Variants in SLC38A7 observed in about 807,000 individuals in gnomAD.
SLC38A7 encodes sodium-coupled neutral amino acid transporter 7.
In SLC38A7, 29 loss-of-function variants were observed where a neutral mutation model predicts 50.1. That is an observed-to-expected ratio of 0.58 (90% confidence interval 0.43 to 0.79). The LOEUF is 0.79. Ranked by LOEUF, SLC38A7 falls within the 30% of genes least tolerant of loss-of-function variation. The pLI, the probability that SLC38A7 is intolerant of heterozygous loss-of-function variation, is 0.00. For synonymous variants in SLC38A7, 244 were observed against 245.9 expected, an observed-to-expected ratio of 0.99 and a Z score of 0.07; for missense variants, 483 against 610.6, an observed-to-expected ratio of 0.79 and a Z score of 2.20.
intron 2 of SLC38A7, 25 bp from the exon 3 acceptor site, chr16:58,680,266 A>G: frequency 1.1e-6 from 1 of 938,594 alleles, no homozygotes; most frequent in Non-Finnish European, 1.4e-6. Flanking sequence ...GGCAGGCACT[A>G]CTGTTATCCT....
intron 8 of SLC38A7, among the ~76,000 whole-genome samples, chr16:58,674,920 C>G (rs34382240): frequency 0.03 from 4,539 of 152,244 alleles, 103 homozygotes; most frequent in Non-Finnish European, 0.043. Context: ...GAACCACCCC[C>G]CTGCTTAAAA....
chr16:58,669,916 A>G (rs1344538360), intron 11 of SLC38A7, among the ~76,000 whole-genome samples, 197 bp downstream of exon 11: 1 of 151,692 alleles, frequency 6.6e-6, no homozygotes, highest in Non-Finnish European at 1.5e-5. Context: ...CGGAGCTTGC[A>G]GTGAGCTGAG....
Position 58,666,059 on chromosome 16 carries a change from CTTTT to C in SLC38A7, c.*1322_*1325del, listed in dbSNP as rs1490103112. 6.6e-6 allele frequency: 1 copy of C among 152,628 alleles called. No individual in the cohort carries two copies. Among genetic ancestry groups the C allele is most frequent in the African/African-American group, 2.4e-5 (1 of 41,424 alleles). The allele number at this position is 152,628 out of a possible 1,614,324, so 9.5% of individuals were successfully genotyped here. A position where few individuals can be genotyped will look rare whatever the true frequency, so the allele number is the denominator to read the frequency against. On this transcript the variant is annotated 3_prime_UTR_variant, in exon 12 of 12. Coordinates refer to ENST00000219320, the MANE Select transcript of SLC38A7 (RefSeq NM_018231.3). ...TGCCCATCAGTGACAACCCAGCTGC[CTTTT>C]TGTTTGTTTCTGTTTTTTTGAGATG...
In SLC38A7 at chr16:58,679,886, C is replaced by T; in HGVS notation, c.241G>A (p.Gly81Ser). 6.2e-7 allele frequency: 1 copy of T among 1,613,896 alleles called. No individual in the cohort carries two copies. Among genetic ancestry groups the T allele is most frequent in the Non-Finnish European group, 8.5e-7 (1 of 1,179,950 alleles). The change falls in exon 3 of 12, where the codon GGC becomes AGC. Residue 81 changes from glycine to serine, a missense_variant. Physicochemically the swap from Gly to Ser is moderately conservative, Grantham distance 56. Transcript: ENST00000219320. The stretch of plus-strand genomic sequence containing the variant: ...TGCAGTGCGATGCCTGCTGCCACGC[C>T]CCCCGCAGTGCTGAAGGCTGCTGGG... Reference protein sequence around the residue: ...NFPAAFSTAGGVAAGIALQMG... With the variant: ...NFPAAFSTAGSVAAGIALQMG...
chr16:58,669,343 G>A (rs2044113310), intron 11 of SLC38A7, among the ~76,000 whole-genome samples: 2 of 151,764 alleles, frequency 1.3e-5, no homozygotes, highest in Admixed American at 1.3e-4. Flanking sequence ...TCGAACTCCT[G>A]ACCTCGGGTG....
At chr16:58,680,573 G>A (rs1476839063) in intron 2 of SLC38A7, among the ~76,000 whole-genome samples, 1 of 152,168 alleles carries the variant, frequency 6.6e-6, no homozygotes, top group East Asian at 1.9e-4. Flanking sequence ...ATGGTCTTGT[G>A]GTCAAAAGGT....
chr16:58,668,713 C>CAAA (rs71155292), intron 11 of SLC38A7, among the ~76,000 whole-genome samples: 38 of 33,506 alleles, frequency 1.1e-3, no homozygotes, highest in Non-Finnish European at 1.4e-3. Flanking sequence ...AACTCCATCT[C>CAAA]AAAAAAAAAA....
intron 11 of SLC38A7, among the ~76,000 whole-genome samples, chr16:58,669,366 T>G (rs555372829): frequency 2.0e-5 from 3 of 152,126 alleles, no homozygotes; most frequent in Non-Finnish European, 4.4e-5. Context: ...CTGCCCATGT[T>G]GGCCTCCCAA....
At chr16:58,673,360 C>T (rs1012478914) in intron 8 of SLC38A7, among the ~76,000 whole-genome samples, 4 of 151,610 alleles carry the variant, frequency 2.6e-5, no homozygotes, top group African/African-American at 4.9e-5. Context: ...CACAGACTCC[C>T]GAGTAGCTGG....
rs547682291 is a variant in SLC38A7, at chr16:58,670,238, C to T, written c.1232-71G>A. 1.7e-5 allele frequency: 25 copies of T among 1,483,480 alleles called. No individual in the cohort carries two copies. In the African/African-American group the frequency reaches 3.3e-4, roughly 20 times the overall value. 91.9% of individuals were successfully genotyped at this position (1,483,480 alleles called of 1,614,324 possible). ...TCCCTCCCTCCTAGCCACCTCCTTT[C>T]CCAAGAAGCAGTGCTGGATGGAGAA... On this transcript the variant is annotated intron_variant, in intron 10 of 11. Coordinates refer to ENST00000219320, the MANE Select transcript of SLC38A7 (RefSeq NM_018231.3).
Position 58,671,511 on chromosome 16 carries a change from AG to A in SLC38A7, c.1032-268del, listed in dbSNP as rs1274199057. On this transcript the variant is annotated intron_variant, in intron 9 of 11. Coordinates refer to ENST00000219320, the MANE Select transcript of SLC38A7 (RefSeq NM_018231.3). ...AAAAGGAACTGTCTGGGGCATCCAA[AG>A]GGGAGGGTGTCCATGTGAAAGCTCA... 4 of 555,338 alleles carry A rather than the reference AG, an allele frequency of 7.2e-6. No individual in the cohort carries two copies. In the African/African-American group the frequency reaches 7.5e-5, roughly 10 times the overall value. 34.4% of individuals were successfully genotyped at this position (555,338 alleles called of 1,614,324 possible). A position where few individuals can be genotyped will look rare whatever the true frequency, so the allele number is the denominator to read the frequency against.
At position 58,667,327 on chromosome 16, in the gene SLC38A7, T is replaced by C. The variant is rs1378662485; in HGVS notation, c.*58A>G. The C allele has an allele frequency of 3.9e-6, 6 of 1,541,234 alleles. No individual in the cohort carries two copies. Among genetic ancestry groups the C allele is most frequent in the Non-Finnish European group, 5.4e-6 (6 of 1,114,426 alleles). On this transcript the variant is annotated 3_prime_UTR_variant, in exon 12 of 12. Coordinates refer to ENST00000219320, the MANE Select transcript of SLC38A7 (RefSeq NM_018231.3). ...TGGACTAAGAATGGCCCCATAGCTCTAAGAGATGGGTTCCTGCGACCAATG... is the reference window on the plus strand; with the variant it reads ...TGGACTAAGAATGGCCCCATAGCTCCAAGAGATGGGTTCCTGCGACCAATG...
intron 8 of SLC38A7, among the ~76,000 whole-genome samples, chr16:58,673,976 C>A (rs1402472425): frequency 6.6e-6 from 1 of 151,800 alleles, no homozygotes; most frequent in Non-Finnish European, 1.5e-5. Flanking sequence ...CAGGCACCAC[C>A]ACCACGCCCG....
intron 2 of SLC38A7, among the ~76,000 whole-genome samples, chr16:58,683,448 C>A (rs544553936): frequency 5.3e-5 from 8 of 152,306 alleles, no homozygotes; most frequent in African/African-American, 1.9e-4. Flanking sequence ...GACATGGCAC[C>A]AGAGGAAACA....
intron 8 of SLC38A7, among the ~76,000 whole-genome samples, chr16:58,674,828 G>C (rs2044230857): frequency 6.6e-6 from 1 of 152,044 alleles, no homozygotes; most frequent in Admixed American, 6.6e-5. Flanking sequence ...AAAGAACTCA[G>C]GGGATCCTTC....
rs1318178888 is a variant in SLC38A7, at chr16:58,678,664, G to A, written c.469+32C>T. The stretch of plus-strand genomic sequence containing the variant: ...CCAGGATCCCTGGGGCTGATAAGAA[G>A]AGATGGGGTAGGGACTGAGGGAGAA... On this transcript the variant is annotated intron_variant, in intron 4 of 11. Coordinates refer to ENST00000219320, the MANE Select transcript of SLC38A7 (RefSeq NM_018231.3). This position sits in a 1 kb window ranked among gnomAD's most constrained non-coding sequence, Gnocchi z 4.0. The A allele has an allele frequency of 6.2e-7, 1 of 1,610,402 alleles. No homozygotes were observed. Among genetic ancestry groups the A allele is most frequent in the Non-Finnish European group, 8.5e-7 (1 of 1,178,142 alleles).
chr16:58,681,182 A>G (rs772270168), intron 2 of SLC38A7, among the ~76,000 whole-genome samples: 11 of 152,204 alleles, frequency 7.2e-5, no homozygotes, highest in Non-Finnish European at 1.5e-4. Flanking sequence ...AAAGGTAGAC[A>G]TGACAGTCAC....
At position 58,666,864 on chromosome 16, in the gene SLC38A7, A is replaced by G. The variant is rs2152072960; in HGVS notation, c.*521T>C. ...AGGTTCATGGTGGGGGTTGCCCAGG[A>G]AGGTGTGGACAAGGTCTGAATCTAC... On this transcript the variant is annotated 3_prime_UTR_variant, in exon 12 of 12. Coordinates refer to ENST00000219320, the MANE Select transcript of SLC38A7 (RefSeq NM_018231.3). 6.5e-6 allele frequency: 1 copy of G among 154,498 alleles called. No homozygotes were observed. The allele number at this position is 154,498 out of a possible 1,614,324, so 9.6% of individuals were successfully genotyped here. A position where few individuals can be genotyped will look rare whatever the true frequency, so the allele number is the denominator to read the frequency against.
At position 58,670,155 on chromosome 16, in the gene SLC38A7, A is replaced by G. The variant is rs758186812; in HGVS notation, c.1244T>C (p.Ile415Thr). ...FIFVFPGLCL[I>T]QAKLSEMEEV... ...TTCCATCTCAGAGAGTTTGGCTTGA[A>G]TGAGGCACAGCCCTGAAAGAGAAGA... is the stretch of plus-strand genomic sequence containing the variant. The change falls in exon 11 of 12, where the codon ATT (isoleucine) becomes ACT (threonine). Residue 415 changes from isoleucine (I) to threonine (T), a missense_variant. Coordinates refer to ENST00000219320, the MANE Select transcript of SLC38A7 (RefSeq NM_018231.3). The G allele has an allele frequency of 1.2e-6, 2 of 1,614,172 alleles. No homozygotes were observed. Among genetic ancestry groups the G allele is most frequent in the South Asian group, 1.1e-5 (1 of 91,076 alleles).
Sources: gnomAD v4.1 joint callset for allele counts (sites outside exome capture counted in the v4.1 genomes callset) on GRCh38, gnomAD v4.1.1 for gene constraint, Gnocchi (gnomAD v3.1) non-coding constraint, MANE v1.5 for transcripts, NCBI Gene and HGNC (gene_info 2026-07-23, HGNC 2026-07-21) for gene names.